The following THRB variants were observed in gnomAD, a reference collection of about 807,000 sequenced individuals.
The protein encoded by THRB is nuclear receptor subfamily 1 group A member 2.
In THRB, 12 loss-of-function variants were observed where a neutral mutation model predicts 47.8. That is an observed-to-expected ratio of 0.25 (90% CI 0.16 to 0.41). The LOEUF is 0.41. Ranked by LOEUF, THRB falls within the 10% of genes least tolerant of loss-of-function variation. The pLI is 1.00. For synonymous variants in THRB, 218 were observed against 212.2 expected (o/e 1.03, Z -0.24); for missense variants, 348 against 589.2 (o/e 0.59, Z 4.24).
intron 4 of THRB, among the ~76,000 whole-genome samples, chr3:24,223,790 A>G (rs1167629036): frequency 1.3e-5 from 2 of 152,172 alleles, no homozygotes; most frequent in African/African-American, 2.4e-5. Flanking sequence ...TTAATTCCCT[A>G]ATATCTAAAT....
intron 2 of THRB, among the ~76,000 whole-genome samples, chr3:24,325,633 A>G (rs1319963818): frequency 2.0e-5 from 3 of 152,124 alleles, no homozygotes; most frequent in Non-Finnish European, 4.4e-5. Context: ...GTTGCAGTGA[A>G]TTGAGATTAT....
At chr3:24,249,220 AT>A (rs1031980725) in intron 3 of THRB, among the ~76,000 whole-genome samples, 9 of 150,854 alleles carry the variant, frequency 6.0e-5, no homozygotes, top group South Asian at 2.1e-4. Flanking sequence ...AAAAATTCTT[AT>A]TTTTTTTTGC....
chr3:24,459,297 T>C (rs2073476534), intron 1 of THRB: 2 of 152,210 alleles, frequency 1.3e-5, no homozygotes, highest in South Asian at 2.1e-4. Flanking sequence ...CATGAACTCA[T>C]CCTTTTTATG....
intron 1 of THRB, among the ~76,000 whole-genome samples, chr3:24,415,693 TA>T (rs576472391): frequency 2.4e-4 from 36 of 152,006 alleles, no homozygotes; most frequent in Non-Finnish European, 3.8e-4. Context: ...CAAAGAACCA[TA>T]AAAATAATTA....
At chr3:24,243,181 CAGCCAAGATTGAG>C (rs1472377835) in intron 3 of THRB, among the ~76,000 whole-genome samples, 2 of 151,944 alleles carry the variant, frequency 1.3e-5, no homozygotes, top group Non-Finnish European at 2.9e-5. Flanking sequence ...TTCTGATGCC[CAGCCAAGATTGAG>C]AGCCACTTAG....
intron 1 of THRB, among the ~76,000 whole-genome samples, chr3:24,423,982 T>C (rs1014721946): frequency 6.6e-6 from 1 of 151,950 alleles, no homozygotes; most frequent in African/African-American, 2.4e-5. Context: ...TACTAAACTA[T>C]CTGCTTGGTT....
intron 1 of THRB, among the ~76,000 whole-genome samples, chr3:24,476,204 T>C (rs977530018): frequency 7.2e-5 from 11 of 152,216 alleles, no homozygotes; most frequent in African/African-American, 2.4e-5. Context: ...ACTGGTTCTT[T>C]CCCACAGTGG....
chr3:24,130,898 A>AT (rs930174109), intron 9 of THRB, among the ~76,000 whole-genome samples: 9 of 152,308 alleles, frequency 5.9e-5, no homozygotes, highest in Admixed American at 2.6e-4. Flanking sequence ...AGATAACAGA[A>AT]TTTATGGTAG....
At chr3:24,403,488 A>G (rs1160628589) in intron 1 of THRB, among the ~76,000 whole-genome samples, 1 of 150,990 alleles carries the variant, frequency 6.6e-6, no homozygotes. Context: ...CTGTGAGGCC[A>G]AAATTATTTT....
At chr3:24,476,659 C>T (rs1398533916) in intron 1 of THRB, among the ~76,000 whole-genome samples, 2 of 152,102 alleles carry the variant, frequency 1.3e-5, no homozygotes, top group African/African-American at 2.4e-5. Context: ...GGTATTATTC[C>T]CTTCAAGTTA....
chr3:24,436,635 A>G (rs1443121139), intron 1 of THRB, among the ~76,000 whole-genome samples: 1 of 152,132 alleles, frequency 6.6e-6, no homozygotes, highest in Non-Finnish European at 1.5e-5. Flanking sequence ...CACATTCTAC[A>G]TTTCACATTC....
rs755136904 is a variant in THRB at position 24,143,494 on chromosome 3, G to A, written c.738+7C>T. On this transcript the variant is annotated splice_region_variant and intron_variant, in intron 8 of 10. Transcript: ENST00000646209. ...AAGTGAAACTGATCTGTGCAAGGAAGCCTTACCAGGAATTTCCGTTTTTGC... is the reference window on the plus strand; with the variant it reads ...AAGTGAAACTGATCTGTGCAAGGAAACCTTACCAGGAATTTCCGTTTTTGC... The A allele has an allele frequency of 1.9e-6, 3 of 1,614,004 alleles. No individual in the cohort carries two copies. Among genetic ancestry groups the A allele is most frequent in the Admixed American group, 1.7e-5 (1 of 60,028 alleles).
chr3:24,233,630 G>A (rs975671667), intron 3 of THRB, among the ~76,000 whole-genome samples: 1 of 84,884 alleles, frequency 1.2e-5, no homozygotes, highest in African/African-American at 3.6e-5. Context: ...AGAGCCTGTA[G>A]GACATTGGTC....
In THRB at chr3:24,152,645, A is replaced by G. The variant is rs147591574; in HGVS notation, c.284-155T>C. The stretch of plus-strand genomic sequence containing the variant: ...TGAAACCAAACGGTAAGAATTTTAT[A>G]CTCATAGAGTTAACATAGGCCCAGG... On this transcript the variant is annotated intron_variant, in intron 5 of 10. Coordinates refer to ENST00000646209, the MANE Select transcript of THRB (RefSeq NM_001354712.2). 6.8e-4 allele frequency among the ~76,000 whole-genome samples: 104 copies of G among 152,296 alleles called. 5 individuals carry two copies. In the East Asian group the frequency reaches 0.016, roughly 23 times the overall value.
At chr3:24,343,586 T>C (rs2062821509) in intron 1 of THRB, among the ~76,000 whole-genome samples, 2 of 152,116 alleles carry the variant, frequency 1.3e-5, no homozygotes, top group Admixed American at 6.6e-5. Flanking sequence ...TTTACTAAAC[T>C]AGAAAGTTCT....
At chr3:24,428,696 G>A (rs1485887695) in intron 1 of THRB, among the ~76,000 whole-genome samples, 2 of 148,464 alleles carry the variant, frequency 1.3e-5, no homozygotes, top group East Asian at 3.9e-4. Flanking sequence ...AAGAAGAACA[G>A]GAAAGGCTAG....
intron 1 of THRB, among the ~76,000 whole-genome samples, chr3:24,485,359 A>G (rs1434642558): frequency 6.6e-6 from 1 of 152,230 alleles, no homozygotes; most frequent in Non-Finnish European, 1.5e-5. Flanking sequence ...TTGGAATTAA[A>G]TTAGAAAAAT....
At chr3:24,326,051 T>A (rs1355395274) in intron 2 of THRB, among the ~76,000 whole-genome samples, 1 of 152,188 alleles carries the variant, frequency 6.6e-6, no homozygotes, top group Admixed American at 6.5e-5. Flanking sequence ...AGTCAAGGAT[T>A]CATAGATCAC....
chr3:24,284,499 G>A (rs1033110293), intron 3 of THRB, among the ~76,000 whole-genome samples: 7 of 151,882 alleles, frequency 4.6e-5, no homozygotes, highest in Non-Finnish European at 8.8e-5. Context: ...CCTAGGCATT[G>A]CCATTCAGGA....
Sources: allele counts gnomAD v4.1 joint callset (sites outside exome capture counted in the v4.1 genomes callset), GRCh38; gene constraint gnomAD v4.1.1; transcripts MANE v1.5; gene names NCBI Gene and HGNC (gene_info 2026-07-23, HGNC 2026-07-21).